Variants in ZBTB7A observed in about 807,000 individuals in gnomAD.
The protein encoded by ZBTB7A is zinc finger and BTB domain containing 7A, also known as zinc finger and BTB domain-containing protein 7A.
A neutral mutation model predicts 26.7 loss-of-function variants in ZBTB7A; 7 were observed. The ratio of observed to expected loss-of-function variants is 0.26; its 90% CI spans 0.15 to 0.49. The LOEUF (loss-of-function observed/expected upper bound fraction) is 0.49, where lower values mean the gene tolerates loss of function less well. ZBTB7A is among the 20% of genes least tolerant of loss of function. The probability of loss-of-function intolerance (pLI) is 0.98; values close to 1 mark genes in which losing one functional copy is unlikely to be tolerated. For synonymous variants in ZBTB7A, 452 were observed against 441.0 expected, an observed-to-expected ratio of 1.02 and a Z score of -0.31; for missense variants, 617 against 919.5, an observed-to-expected ratio of 0.67 and a Z score of 4.25.
rs369865974 is a variant in ZBTB7A at position 4,053,948 on chromosome 19, C to T, written c.1262+23G>A. On this transcript the variant is annotated intron_variant, in intron 2 of 2. Transcript: ENST00000322357. ...GCTGGGGCAGAGAGCAGGACGGCGC[C>T]TCCCCCGCGGCGGGCAGCTCACCTG... The T allele has an allele frequency of 1.7e-5, 26 of 1,571,880 alleles. No individual in the cohort carries two copies. In the East Asian group the frequency reaches 1.8e-4, roughly 11 times the overall value.
intron 2 of ZBTB7A, among the ~76,000 whole-genome samples, chr19:4,051,816 G>C (rs1273363216): frequency 2.0e-5 from 3 of 152,260 alleles, no homozygotes; most frequent in Admixed American, 2.0e-4. Context: ...GAGAGGAAGG[G>C]ACTTGCCTGG....
At chr19:4,055,515 C>G (rs555045823) in intron 1 of ZBTB7A, 2 of 983,656 alleles carry the variant, frequency 2.0e-6, no homozygotes, top group East Asian at 2.3e-4. Flanking sequence ...CCATGTTGGC[C>G]AGGCTGGTCT....
In ZBTB7A at chr19:4,048,301, G is replaced by A. The variant is rs1457508539; in HGVS notation, c.1263-57C>T. 4.0e-6 allele frequency: 6 copies of A among 1,502,262 alleles called. No homozygotes were observed. The Admixed American group carries it at 7.2e-5, about 18-fold the overall frequency. The allele number at this position is 1,502,262 out of a possible 1,614,324, so 93.1% of individuals were successfully genotyped here. ...GTGGGGCCGGGGACCCCCGATCCCC[G>A]CCCAGGGACCCTCACGGACACGGCA... is the stretch of plus-strand genomic sequence containing the variant. On this transcript the variant is annotated intron_variant, in intron 2 of 2. Transcript: ENST00000322357. The surrounding 1 kb of genome is among the most constrained non-coding windows in gnomAD (Gnocchi z 6.7).
Position 4,054,705 on chromosome 19 carries a change from G to C in ZBTB7A, c.528C>G (p.Ala176=). 1.9e-6 allele frequency: 3 copies of C among 1,575,600 alleles called. No individual in the cohort carries two copies. The highest frequency in any genetic ancestry group is 2.6e-6 in the Non-Finnish European group (3 of 1,160,932). The change falls in exon 2 of 3, where the codon GCC becomes GCG. Residue 176 remains alanine, a synonymous_variant. Coordinates refer to ENST00000322357, the MANE Select transcript of ZBTB7A (RefSeq NM_015898.4). ...SNPMNSLPPA[A]AAAAASFPWS... is the part of the protein sequence containing the mutation. ...ACGGGAAGCTGGCAGCGGCGGCGGC[G>C]GCCGCGGGGGGCAGGCTGTTCATGG...
intron 2 of ZBTB7A, among the ~76,000 whole-genome samples, chr19:4,053,361 CTGTT>C (rs555868116): frequency 1.6e-4 from 24 of 152,272 alleles, no homozygotes; most frequent in Admixed American, 1.0e-3. Flanking sequence ...TGGGGTGTGT[CTGTT>C]TGCGTGTGTG....
chr19:4,065,734 G>T (rs2040688865), intron 1 of ZBTB7A: 1 of 123,822 alleles, frequency 8.1e-6, no homozygotes, highest in African/African-American at 4.3e-5. Context: ...GCGCGGGGAG[G>T]GTGACCCCCC....
chr19:4,048,200 T>C lies in ZBTB7A; in HGVS notation c.1307A>G (p.Lys436Arg), dbSNP rs1599247949. Residue 436 changes from lysine to arginine, a missense_variant, in exon 3 of 3, where the codon AAG (lysine) becomes AGG (arginine). Around this residue, in one of 5 missense-constraint regions of ZBTB7A, gnomAD observed 41 missense variants for 167.6 expected, o/e 0.24. Transcript: ENST00000322357. This position sits in a 1 kb window ranked among gnomAD's most constrained non-coding sequence, Gnocchi z 6.7. ...KVHMRKHTGEKPYLCQQCGAA... is the reference protein window; with the variant it reads ...KVHMRKHTGERPYLCQQCGAA... Reference sequence around the variant, plus strand: ...GCCGCACTGCTGGCACAGGTACGGCTTCTCGCCCGTGTGCTTCCGCATGTG... The same window carrying C: ...GCCGCACTGCTGGCACAGGTACGGCCTCTCGCCCGTGTGCTTCCGCATGTG... 6.2e-7 allele frequency: 1 copy of C among 1,602,762 alleles called. No homozygotes were observed. The highest frequency in any genetic ancestry group is 8.5e-7 in the Non-Finnish European group (1 of 1,177,576).
chr19:4,060,799 A>C (rs115306152), intron 1 of ZBTB7A, among the ~76,000 whole-genome samples: 1,664 of 152,242 alleles, frequency 0.011, 34 homozygotes, highest in African/African-American at 0.038. Context: ...TGGGCAGGTA[A>C]CTGCCACCCG....
intron 2 of ZBTB7A, among the ~76,000 whole-genome samples, chr19:4,050,026 CAATT>C (rs1221489801): frequency 3.3e-5 from 5 of 152,298 alleles, no homozygotes; most frequent in Non-Finnish European, 5.9e-5. Context: ...CGGGTTCAAG[CAATT>C]CTTCTGCCTC....
intron 1 of ZBTB7A, among the ~76,000 whole-genome samples, chr19:4,065,217 G>T (rs1010985647): frequency 6.6e-6 from 1 of 151,506 alleles, no homozygotes; most frequent in African/African-American, 2.4e-5. Context: ...GGCGCGGACG[G>T]CGGGGACTGG....
chr19:4,064,716 C>T (rs1334263778), intron 1 of ZBTB7A, among the ~76,000 whole-genome samples: 1 of 152,176 alleles, frequency 6.6e-6, no homozygotes, highest in African/African-American at 2.4e-5. Flanking sequence ...TGGGGGGGCC[C>T]ACCGAGCCCG....
At position 4,043,775 on chromosome 19, in the gene ZBTB7A, C is replaced by CT. The variant is rs1465302891; in HGVS notation, c.*3976dup. 1.6e-5 allele frequency among the ~76,000 whole-genome samples: 2 copies of CT among 122,722 alleles called. No homozygotes were observed. Among genetic ancestry groups the CT allele is most frequent in the Non-Finnish European group, 3.3e-5 (2 of 61,270 alleles). 80.5% of individuals were successfully genotyped at this position (122,722 alleles called of 152,430 possible). On this transcript the variant is annotated 3_prime_UTR_variant, in exon 3 of 3. Coordinates refer to ENST00000322357, the MANE Select transcript of ZBTB7A (RefSeq NM_015898.4). The stretch of plus-strand genomic sequence containing the variant: ...TATTTAATGCGAGCTAGTCTTAACT[C>CT]TGAGGTTGTAGCTCCTGGGGCACCC...
intron 1 of ZBTB7A, among the ~76,000 whole-genome samples, chr19:4,064,573 G>A (rs2040672161): frequency 6.6e-6 from 1 of 152,272 alleles, no homozygotes; most frequent in Non-Finnish European, 1.5e-5. Context: ...GAAGTGATCG[G>A]CCGGTGGTGG....
rs147244726 is a variant in ZBTB7A at position 4,055,059 on chromosome 19, G to A, written c.174C>T (p.Tyr58=). The change falls in exon 2 of 3, where the codon TAC becomes TAT. Residue 58 remains tyrosine (Y), a synonymous_variant. Coordinates refer to ENST00000322357, the MANE Select transcript of ZBTB7A (RefSeq NM_015898.4). The part of the protein sequence containing the change: ...HRSVLAACSQ[Y]FKKLFTSGAV... ...CGCCCGACGTGAACAGCTTCTTGAA[G>A]TACTGGCTGCAGGCGGCCAGCACCG... is the stretch of plus-strand genomic sequence containing the variant. 611 of 1,610,884 alleles carry A rather than the reference G, an allele frequency of 3.8e-4. No individual in the cohort carries two copies. Among genetic ancestry groups the A allele is most frequent in the Middle Eastern group, 1.2e-3 (7 of 6,056 alleles).
chr19:4,056,990 G>A (rs958355339), intron 1 of ZBTB7A, among the ~76,000 whole-genome samples: 3 of 138,272 alleles, frequency 2.2e-5, no homozygotes, highest in Non-Finnish European at 3.0e-5. Flanking sequence ...TGGAGCCACC[G>A]TACTCCAGCC....
At position 4,044,862 on chromosome 19, in the gene ZBTB7A, A is replaced by G. The variant is rs986005423; in HGVS notation, c.*2890T>C. On this transcript the variant is annotated 3_prime_UTR_variant, in exon 3 of 3. Transcript: ENST00000322357. ...TTTGTTTCCTGAAACGCGAGAATTC[A>G]GCAGGTATCTTTGGCAACACTTTAT... 11 of 151,968 alleles carry G rather than the reference A, an allele frequency of 7.2e-5. No individual in the cohort carries two copies. Among genetic ancestry groups the G allele is most frequent in the African/African-American group, 2.7e-4 (11 of 41,380 alleles). 9.4% of individuals were successfully genotyped at this position (151,968 alleles called of 1,614,324 possible).
At position 4,044,548 on chromosome 19, in the gene ZBTB7A, G is replaced by C. The variant is rs1453798777; in HGVS notation, c.*3204C>G. ...GCCCGGCCACCTCCCCGGCCCCCGG[G>C]CGCCCCCGCCTGAAGCCCCCCAACC... On this transcript the variant is annotated 3_prime_UTR_variant, in exon 3 of 3. Transcript: ENST00000322357. The C allele has an allele frequency of 2.0e-5, 3 of 151,138 alleles. No individual in the cohort carries two copies. Among genetic ancestry groups the C allele is most frequent in the Admixed American group, 6.6e-5 (1 of 15,236 alleles). 9.4% of individuals were successfully genotyped at this position (151,138 alleles called of 1,614,324 possible).
At position 4,047,664 on chromosome 19, in the gene ZBTB7A, T is replaced by G; in HGVS notation, c.*88A>C. On this transcript the variant is annotated 3_prime_UTR_variant, in exon 3 of 3. Transcript: ENST00000322357. Reference sequence around the variant, plus strand: ...ATCTGTATATAGATAGATTTTCTTTTTTTGTGTTTTTGGGGGGGTGGTGGG... The same window carrying G: ...ATCTGTATATAGATAGATTTTCTTTGTTTGTGTTTTTGGGGGGGTGGTGGG... 1 of 1,444,244 alleles carries G rather than the reference T, an allele frequency of 6.9e-7. No individual in the cohort carries two copies. The highest frequency in any genetic ancestry group is 9.3e-7 in the Non-Finnish European group (1 of 1,078,918). The allele number at this position is 1,444,244 out of a possible 1,614,324, so 89.5% of individuals were successfully genotyped here. A position where few individuals can be genotyped will look rare whatever the true frequency, so the allele number is the denominator to read the frequency against.
intron 1 of ZBTB7A, among the ~76,000 whole-genome samples, chr19:4,060,132 C>T (rs1037139484): frequency 2.6e-5 from 4 of 152,124 alleles, no homozygotes; most frequent in East Asian, 1.9e-4. Flanking sequence ...ACTCGGCGGC[C>T]GAGGGGCAGG....
Sources: allele counts gnomAD v4.1 joint callset (sites outside exome capture counted in the v4.1 genomes callset), GRCh38; gene constraint gnomAD v4.1.1; regional missense constraint gnomAD v4.1.1; non-coding constraint Gnocchi (gnomAD v3.1); transcripts MANE v1.5; gene names NCBI Gene and HGNC (gene_info 2026-07-23, HGNC 2026-07-21).